ECHDC3: variants seen among roughly 807,000 people sequenced by gnomAD.
The protein encoded by ECHDC3 is enoyl-CoA hydratase domain-containing protein 3, mitochondrial.
In ECHDC3, 20 loss-of-function variants were observed where a neutral mutation model predicts 17.9. The ratio of observed to expected loss-of-function variants is 1.12; its 90% CI spans 0.79 to 1.63. The LOEUF (loss-of-function observed/expected upper bound fraction) is 1.63, where lower values mean the gene tolerates loss of function less well. ECHDC3 is among the 40% of genes most tolerant of loss of function. The probability of loss-of-function intolerance (pLI) is 0.00; values close to 1 mark genes in which losing one functional copy is unlikely to be tolerated. For synonymous variants in ECHDC3, 177 were observed against 149.7 expected, an observed-to-expected ratio of 1.18 and a Z score of -1.33; for missense variants, 407 against 357.7, an observed-to-expected ratio of 1.14 and a Z score of -1.11.
chr10:11,758,319 G>C (rs1055158728), intron 4 of ECHDC3, among the ~76,000 whole-genome samples: 25 of 152,232 alleles, frequency 1.6e-4, no homozygotes, highest in Non-Finnish European at 1.6e-4. Context: ...CCCAGGCAGA[G>C]CTGGCCTTGC....
chr10:11,742,686 G>T lies in ECHDC3; in HGVS notation c.110G>T (p.Gly37Val). Reference protein sequence around the residue: ...PARFCSRDPAGAGRRESEPRP... With the variant: ...PARFCSRDPAVAGRRESEPRP... ...CGCTTCTGCAGCCGGGACCCGGCCG[G>T]GGCGGGGCGGCGGGAGTCGGAGCCG... The change falls in exon 1 of 5, where the codon GGG (glycine) becomes GTG (valine). Residue 37 changes from glycine to valine, a missense_variant. Transcript: ENST00000379215. The T allele has an allele frequency of 8.0e-7, 1 of 1,244,658 alleles. No individual in the cohort carries two copies. The highest frequency in any genetic ancestry group is 3.4e-5 in the South Asian group (1 of 29,638). The allele number at this position is 1,244,658 out of a possible 1,614,324, so 77.1% of individuals were successfully genotyped here. A position where few individuals can be genotyped will look rare whatever the true frequency, so the allele number is the denominator to read the frequency against.
intron 3 of ECHDC3, among the ~76,000 whole-genome samples, chr10:11,750,772 TTTATTCATTCATTGAC>T (rs1832814280): frequency 6.6e-6 from 1 of 152,210 alleles, no homozygotes; most frequent in African/African-American, 2.4e-5. Context: ...AACCTAATTT[TTTATTCATTCATTGAC>T]TTATTCATTC....
At chr10:11,756,019 A>G (rs1564284541) in intron 4 of ECHDC3, among the ~76,000 whole-genome samples, 1 of 152,258 alleles carries the variant, frequency 6.6e-6, no homozygotes, top group Non-Finnish European at 1.5e-5. Context: ...TAATGCCAGT[A>G]TCAAGAGCCT....
intron 3 of ECHDC3, among the ~76,000 whole-genome samples, chr10:11,753,240 G>A (rs10159845): frequency 0.93 from 141,855 of 151,974 alleles, 67,048 homozygotes; most frequent in East Asian, 1. Flanking sequence ...AAAGTTAGCC[G>A]GGTATGGTGG....
intron 1 of ECHDC3, among the ~76,000 whole-genome samples, chr10:11,746,865 G>T (rs989611989): frequency 6.6e-6 from 1 of 152,246 alleles, no homozygotes; most frequent in East Asian, 1.9e-4. Context: ...AACCGGGGAG[G>T]TGGAGGTTGC....
chr10:11,749,617 T>C, intron 3 of ECHDC3, 25 bp downstream of exon 3: 1 of 1,604,398 alleles, frequency 6.2e-7, no homozygotes, highest in Non-Finnish European at 8.5e-7. Flanking sequence ...CAGTCGACAG[T>C]GCAAACCTGC....
intron 4 of ECHDC3, among the ~76,000 whole-genome samples, chr10:11,758,360 G>A (rs1282750436): frequency 6.6e-6 from 1 of 152,172 alleles, no homozygotes; most frequent in African/African-American, 2.4e-5. Flanking sequence ...TCAAGCAGCC[G>A]GCCTCACTGG....
In ECHDC3 at chr10:11,759,355, TTA is replaced by T. The variant is rs1491169832; in HGVS notation, c.591+3748_591+3749del. Among the ~76,000 whole-genome samples the T allele has an allele frequency of 1.8e-4, 6 of 33,974 alleles. No individual in the cohort carries two copies. In the East Asian group the frequency reaches 3.5e-3, roughly 20 times the overall value. 22.3% of individuals were successfully genotyped at this position (33,974 alleles called of 152,430 possible). A position where few individuals can be genotyped will look rare whatever the true frequency, so the allele number is the denominator to read the frequency against. On this transcript the variant is annotated intron_variant, in intron 4 of 4. Transcript: ENST00000379215. The stretch of plus-strand genomic sequence containing the variant: ...GGCAACAACAGCAAAACTCCATCTC[TTA>T]AAAAAAAAAAAAACAAAAAAAAAAA...
At chr10:11,748,338 C>T (rs145282640) in intron 2 of ECHDC3, among the ~76,000 whole-genome samples, 96 of 152,128 alleles carry the variant, frequency 6.3e-4, no homozygotes, top group Non-Finnish European at 1.2e-3. Flanking sequence ...AGTGATCTCC[C>T]ACCTCAGTCT....
In ECHDC3 at chr10:11,746,725, C is replaced by G. The variant is rs1228455999; in HGVS notation, c.171-624C>G. 2.0e-5 allele frequency among the ~76,000 whole-genome samples: 3 copies of G among 152,138 alleles called. No homozygotes were observed. In the South Asian group the frequency reaches 6.2e-4, roughly 32 times the overall value. On this transcript the variant is annotated intron_variant, in intron 1 of 4. Transcript: ENST00000379215. The stretch of plus-strand genomic sequence containing the variant: ...CTGAGGCAAGCGGATCACCTGAGAT[C>G]AGGAGTTCAAGACCAGCCTAGCCAA...
chr10:11,756,642 G>A (rs1343996672), intron 4 of ECHDC3, among the ~76,000 whole-genome samples: 1 of 152,232 alleles, frequency 6.6e-6, no homozygotes, highest in Non-Finnish European at 1.5e-5. Flanking sequence ...CAGTGGGCTG[G>A]AAGTGGGCTT....
In ECHDC3 at chr10:11,763,988, C is replaced by A. The variant is rs1832984995; in HGVS notation, c.*444C>A. ...ACGAGATATTCTCCACACAGAAAAT[C>A]TTCTTGATTCTATAGAGACTTAATC... On this transcript the variant is annotated 3_prime_UTR_variant, in exon 5 of 5. Transcript: ENST00000379215. The surrounding 1 kb of genome is among the most constrained non-coding windows in gnomAD (Gnocchi z 4.9). 1 of 979,958 alleles carries A rather than the reference C, an allele frequency of 1.0e-6. No individual in the cohort carries two copies. The highest frequency in any genetic ancestry group is 1.7e-5 in the African/African-American group (1 of 57,274). 60.7% of individuals were successfully genotyped at this position (979,958 alleles called of 1,614,324 possible).
intron 4 of ECHDC3, among the ~76,000 whole-genome samples, chr10:11,762,453 T>A (rs11257311): frequency 9.2e-5 from 14 of 152,172 alleles, no homozygotes; most frequent in Admixed American, 4.6e-4. Context: ...GGCCCCTGCC[T>A]GTGTGTCCTT....
intron 3 of ECHDC3, 188 bp from the exon 4 acceptor site, chr10:11,755,220 G>A: frequency 1.9e-6 from 1 of 540,442 alleles, no homozygotes; most frequent in Non-Finnish European, 3.2e-6. Context: ...CAGCTACTCA[G>A]GAGGCTGAGG....
chr10:11,755,035 C>A (rs777655764), intron 3 of ECHDC3, among the ~76,000 whole-genome samples: 3 of 152,156 alleles, frequency 2.0e-5, no homozygotes, highest in African/African-American at 7.2e-5. Flanking sequence ...AAATGAGAGA[C>A]GTTGGCTGGG....
At chr10:11,753,509 T>C (rs1294699125) in intron 3 of ECHDC3, among the ~76,000 whole-genome samples, 2 of 152,246 alleles carry the variant, frequency 1.3e-5, no homozygotes, top group African/African-American at 4.8e-5. Context: ...TGTTCAACTC[T>C]AATCCCAGTC....
At chr10:11,745,267 C>T (rs1420775803) in intron 1 of ECHDC3, among the ~76,000 whole-genome samples, 1 of 152,110 alleles carries the variant, frequency 6.6e-6, no homozygotes. Context: ...GATTCCGCGG[C>T]GCACAATGGC....
At chr10:11,757,778 G>A (rs1832900074) in intron 4 of ECHDC3, among the ~76,000 whole-genome samples, 1 of 152,210 alleles carries the variant, frequency 6.6e-6, no homozygotes, top group South Asian at 2.1e-4. Context: ...TTTGCAGGAA[G>A]AAACAGGCTT....
chr10:11,749,551 G>T lies in ECHDC3; in HGVS notation c.349G>T (p.Gly117Cys), dbSNP rs926057492. The T allele has an allele frequency of 6.2e-7, 1 of 1,614,142 alleles. No individual in the cohort carries two copies. The highest frequency in any genetic ancestry group is 8.5e-7 in the Non-Finnish European group (1 of 1,180,028). Reference sequence around the variant, plus strand: ...CTTAAAGGAGCTGACAGAGGAGCAAGGCCGTGATTACCATGCCGAAGTATT... The same window carrying T: ...CTTAAAGGAGCTGACAGAGGAGCAATGCCGTGATTACCATGCCGAAGTATT... ...HDLKELTEEQGRDYHAEVFQT... is the reference protein window; with the variant it reads ...HDLKELTEEQCRDYHAEVFQT... The change falls in exon 3 of 5, where the codon GGC becomes TGC. Residue 117 changes from glycine (G) to cysteine (C), a missense_variant. Coordinates refer to ENST00000379215, the MANE Select transcript of ECHDC3 (RefSeq NM_024693.5).
Sources: allele counts gnomAD v4.1 joint callset (sites outside exome capture counted in the v4.1 genomes callset), GRCh38; gene constraint gnomAD v4.1.1; non-coding constraint Gnocchi (gnomAD v3.1); transcripts MANE v1.5; gene names NCBI Gene and HGNC (gene_info 2026-07-23, HGNC 2026-07-21).